Variants in UBE2V2 observed in about 807,000 individuals in gnomAD.
UBE2V2 encodes the protein ubiquitin conjugating enzyme E2 V2.
A neutral mutation model predicts 17.2 loss-of-function variants in UBE2V2; 9 were observed. The observed-to-expected ratio is 0.52, with a 90% CI of 0.32 to 0.91. UBE2V2 has a LOEUF of 0.91. Ranked by LOEUF, UBE2V2 falls within the 40% of genes least tolerant of loss-of-function variation. UBE2V2 has a pLI of 0.04. For synonymous variants in UBE2V2, 61 were observed against 57.5 expected (o/e 1.06, Z -0.28); for missense variants, 133 against 182.6 (o/e 0.73, Z 1.56).
chr8:48,050,570 T>C (rs1486861675), intron 3 of UBE2V2: 3 of 152,118 alleles, frequency 2.0e-5, no homozygotes, highest in African/African-American at 7.2e-5. Context: ...AATAGTCATA[T>C]TTCAGTTGAT....
At chr8:48,017,846 CT>C (rs71548448) in intron 1 of UBE2V2, among the ~76,000 whole-genome samples, 172 of 134,580 alleles carry the variant, frequency 1.3e-3, no homozygotes, top group East Asian at 1.7e-3. Flanking sequence ...CATAGATTGC[CT>C]TTTTTTTTTT....
chr8:48,015,540 A>G (rs1261418745), intron 1 of UBE2V2, among the ~76,000 whole-genome samples: 1 of 152,194 alleles, frequency 6.6e-6, no homozygotes, highest in Non-Finnish European at 1.5e-5. Context: ...TCAAGAATAC[A>G]GTATGTTGTT....
intron 3 of UBE2V2, among the ~76,000 whole-genome samples, chr8:48,057,452 C>G (rs2091580444): frequency 6.6e-6 from 1 of 152,004 alleles, no homozygotes; most frequent in South Asian, 2.1e-4. Context: ...CAGGCATGTA[C>G]CACCACGCCC....
rs371169037 is a variant in UBE2V2 at position 48,045,418 on chromosome 8, G to A, written c.165+2237G>A. ...GGTAATAAACTGGGGGAACTTACCA[G>A]GGCCTGTTTGTTCACATTATTCCTG... On this transcript the variant is annotated intron_variant, in intron 2 of 3. Transcript: ENST00000523111. 3.7e-4 allele frequency among the ~76,000 whole-genome samples: 56 copies of A among 152,250 alleles called. 1 individual carries two copies. The highest frequency in any genetic ancestry group is 1.3e-3 in the African/African-American group (54 of 41,544).
At chr8:48,005,779 G>T (rs2091179626), upstream of UBE2V2, among the ~76,000 whole-genome samples, 1 of 152,164 alleles carries the variant, frequency 6.6e-6, no homozygotes, top group African/African-American at 2.4e-5. Flanking sequence ...GTGATGATGA[G>T]CTTTTTTTCA....
intron 1 of UBE2V2, among the ~76,000 whole-genome samples, chr8:48,039,553 G>A (rs941440786): frequency 4.6e-5 from 7 of 152,150 alleles, no homozygotes; most frequent in African/African-American, 1.4e-4. Context: ...AATTATTTCT[G>A]TATTTTGAAT....
At chr8:48,055,829 G>A (rs1473514388) in intron 3 of UBE2V2, among the ~76,000 whole-genome samples, 5 of 150,538 alleles carry the variant, frequency 3.3e-5, no homozygotes, top group Non-Finnish European at 7.4e-5. Context: ...CAATGGCTTG[G>A]CTCACTGCAA....
chr8:48,008,380 G>C (rs1337279921), upstream of UBE2V2: 4 of 1,538,540 alleles, frequency 2.6e-6, no homozygotes, highest in Admixed American at 2.0e-5. Context: ...ACGCGTGCAG[G>C]GCGGCGCGCT....
chr8:48,008,827 C>T (rs2091205532), intron 1 of UBE2V2, among the ~76,000 whole-genome samples: 1 of 151,868 alleles, frequency 6.6e-6, no homozygotes, highest in Non-Finnish European at 1.5e-5. Context: ...CCTCCGGCAC[C>T]GAAGATGGGT....
intron 1 of UBE2V2, among the ~76,000 whole-genome samples, chr8:48,011,198 C>A (rs776608769): frequency 6.6e-6 from 1 of 152,074 alleles, no homozygotes; most frequent in Non-Finnish European, 1.5e-5. Context: ...AACGGAGTCT[C>A]GCCTTGTTGC....
chr8:48,037,197 G>A (rs1001384712), intron 1 of UBE2V2, among the ~76,000 whole-genome samples: 3 of 152,194 alleles, frequency 2.0e-5, no homozygotes, highest in Admixed American at 6.6e-5. Flanking sequence ...TACGTATATA[G>A]GTTATGAAGT....
Position 48,010,460 on chromosome 8 carries a change from G to C in UBE2V2, c.16+1990G>C, listed in dbSNP as rs186058678. ...TCTGTCACCCAGGCTGGAGTGCAGT[G>C]GCGCGATCTCGGCTCACTGCAACCT... On this transcript the variant is annotated intron_variant, in intron 1 of 3. Transcript: ENST00000523111. Among the ~76,000 whole-genome samples, 746 of 149,798 alleles carry C rather than the reference G, an allele frequency of 5.0e-3. 4 individuals are homozygous for C. Among genetic ancestry groups the C allele is most frequent in the Non-Finnish European group, 8.6e-3 (585 of 67,646 alleles).
At chr8:48,053,062 A>G (rs1176728809) in intron 3 of UBE2V2, among the ~76,000 whole-genome samples, 1 of 152,090 alleles carries the variant, frequency 6.6e-6, no homozygotes, top group Non-Finnish European at 1.5e-5. Flanking sequence ...GTGTGCCACA[A>G]CACCTGGCTA....
rs1279325734 is a variant in UBE2V2 at position 48,053,339 on chromosome 8, AG to A, written c.291+3362del. Among the ~76,000 whole-genome samples the A allele has an allele frequency of 2.6e-5, 4 of 152,120 alleles. No homozygotes were observed. The East Asian group carries it at 7.7e-4, about 29-fold the overall frequency. On this transcript the variant is annotated intron_variant, in intron 3 of 3. Transcript: ENST00000523111. Reference sequence around the variant, plus strand: ...GTTTCTAACATAATAGAAGTTTTAGAGAATGATAGAACCAGCATCTATGTGT... The same window carrying A: ...GTTTCTAACATAATAGAAGTTTTAGAAATGATAGAACCAGCATCTATGTGT...
intron 1 of UBE2V2, among the ~76,000 whole-genome samples, chr8:48,026,657 G>A (rs1006234900): frequency 1.3e-5 from 2 of 152,158 alleles, no homozygotes; most frequent in Non-Finnish European, 2.9e-5. Flanking sequence ...CATATGTGTA[G>A]ATTTATATAT....
At chr8:48,020,432 T>G (rs908421973) in intron 1 of UBE2V2, among the ~76,000 whole-genome samples, 1 of 152,078 alleles carries the variant, frequency 6.6e-6, no homozygotes, top group Admixed American at 6.6e-5. Context: ...TATAGTTGGG[T>G]CTTGTTTTTT....
At chr8:48,027,234 C>T (rs2091352005) in intron 1 of UBE2V2, among the ~76,000 whole-genome samples, 1 of 152,176 alleles carries the variant, frequency 6.6e-6, no homozygotes, top group Non-Finnish European at 1.5e-5. Context: ...CTCTTGACCT[C>T]AAGTGATCTC....
intron 1 of UBE2V2, among the ~76,000 whole-genome samples, chr8:48,022,169 T>A (rs2091310150): frequency 6.7e-6 from 1 of 149,526 alleles, no homozygotes; most frequent in Admixed American, 6.7e-5. Context: ...GACAGTGTCG[T>A]TCTTGTCACC....
At chr8:48,024,763 A>ATT (rs1305911744) in intron 1 of UBE2V2, among the ~76,000 whole-genome samples, 2 of 150,180 alleles carry the variant, frequency 1.3e-5, no homozygotes, top group Non-Finnish European at 3.0e-5. Context: ...TTAATAGAAT[A>ATT]TTAAAACTCC....
Sources: allele counts gnomAD v4.1 joint callset (sites outside exome capture counted in the v4.1 genomes callset), GRCh38; gene constraint gnomAD v4.1.1; transcripts MANE v1.5; gene names NCBI Gene and HGNC (gene_info 2026-07-23, HGNC 2026-07-21).